Variants in COPG2 observed in about 807,000 individuals in gnomAD.
COPG2 encodes coatomer subunit gamma-2.
Under a neutral mutation model 46.3 loss-of-function variants are expected in COPG2, and 37 were observed. The ratio of observed to expected loss-of-function variants is 0.80; its 90% CI spans 0.61 to 1.05. The LOEUF is 1.05. Ranked by LOEUF, COPG2 falls within the 50% of genes least tolerant of loss-of-function variation. COPG2 has a pLI of 0.00. For synonymous variants in COPG2, 159 were observed against 129.7 expected, an observed-to-expected ratio of 1.23 and a Z score of -1.53; for missense variants, 427 against 387.8, an observed-to-expected ratio of 1.10 and a Z score of -0.85.
intron 20 of COPG2, among the ~76,000 whole-genome samples, chr7:130,513,375 A>ATATATG (rs1335409605): frequency 2.2e-5 from 1 of 45,970 alleles, no homozygotes; most frequent in Non-Finnish European, 5.1e-5. Context: ...ATATATATAT[A>ATATATG]TGTGTGTGTG....
At chr7:130,605,778 A>G (rs1056003649) in intron 9 of COPG2, 4 of 519,834 alleles carry the variant, frequency 7.7e-6, no homozygotes, top group Non-Finnish European at 1.5e-5. Flanking sequence ...CTCCACCAAC[A>G]TCTTCACTTT....
chr7:130,600,509 C>G (rs1235069621), intron 9 of COPG2, among the ~76,000 whole-genome samples: 1 of 152,154 alleles, frequency 6.6e-6, no homozygotes, highest in Admixed American at 6.5e-5. Flanking sequence ...GCAATCCACT[C>G]ACCTTGGCCT....
intron 4 of COPG2, among the ~76,000 whole-genome samples, chr7:130,657,019 A>C (rs1159050523): frequency 6.6e-6 from 1 of 150,392 alleles, no homozygotes; most frequent in Non-Finnish European, 1.5e-5. Context: ...TAATATAGAT[A>C]TTTAAAATCC....
chr7:130,529,880 T>C (rs1342560976), intron 20 of COPG2, among the ~76,000 whole-genome samples: 1 of 152,184 alleles, frequency 6.6e-6, no homozygotes, highest in South Asian at 2.1e-4. Context: ...TTCTGCTGTT[T>C]AAGGGTGGCT....
At chr7:130,646,729 ATC>A (rs1455648010) in intron 5 of COPG2, among the ~76,000 whole-genome samples, 2 of 151,550 alleles carry the variant, frequency 1.3e-5, no homozygotes, top group African/African-American at 4.9e-5. Context: ...TTCTCATGAG[ATC>A]TGATAGTTTT....
At chr7:130,527,302 C>A (rs1799783619) in intron 20 of COPG2, among the ~76,000 whole-genome samples, 1 of 151,204 alleles carries the variant, frequency 6.6e-6, no homozygotes, top group African/African-American at 2.4e-5. Context: ...TGATTTCAAG[C>A]AGAGAGTGCC....
chr7:130,549,290 C>T (rs923024940), intron 18 of COPG2, 24 bp downstream of exon 18: 81,077 of 398,226 alleles, frequency 0.2, 8,607 homozygotes, highest in Middle Eastern at 0.3. Flanking sequence ...AAGATTATTA[C>T]GTCTAACCAT....
chr7:130,583,494 A>T (rs1342834852), intron 9 of COPG2, among the ~76,000 whole-genome samples: 7 of 35,782 alleles, frequency 2.0e-4, no homozygotes, highest in South Asian at 8.7e-4. Context: ...CATAAAGTAT[A>T]AAAAAAAAAA....
intron 9 of COPG2, among the ~76,000 whole-genome samples, chr7:130,590,277 C>CTCTTTCCACGG (rs1169513338): frequency 1.3e-5 from 2 of 152,088 alleles, no homozygotes; most frequent in African/African-American, 4.8e-5. Context: ...CCCTCTCCCT[C>CTCTTTCCACGG]TCTTTCCACG....
At chr7:130,591,078 T>A (rs1794400723) in intron 9 of COPG2, among the ~76,000 whole-genome samples, 1 of 140,566 alleles carries the variant, frequency 7.1e-6, no homozygotes, top group Admixed American at 7.0e-5. Context: ...AGCCGCCCCG[T>A]CCAGAAGGGA....
chr7:130,534,572 A>C (rs1001914198), intron 20 of COPG2, among the ~76,000 whole-genome samples: 4 of 152,288 alleles, frequency 2.6e-5, no homozygotes, highest in Non-Finnish European at 5.9e-5. Context: ...GGTCGGTAGC[A>C]AATGGGGATG....
chr7:130,600,105 A>G (rs987112946), intron 9 of COPG2, among the ~76,000 whole-genome samples: 12 of 152,348 alleles, frequency 7.9e-5, no homozygotes, highest in Admixed American at 2.6e-4. Flanking sequence ...TAAAGTCTCC[A>G]TGAAGAGATC....
At chr7:130,597,136 A>G (rs1554449798) in intron 9 of COPG2, among the ~76,000 whole-genome samples, 1 of 152,170 alleles carries the variant, frequency 6.6e-6, no homozygotes, top group Non-Finnish European at 1.5e-5. Context: ...CTTTTGGGAA[A>G]TGTACCCCCA....
intron 20 of COPG2, among the ~76,000 whole-genome samples, chr7:130,510,762 A>G (rs1554440915): frequency 6.6e-6 from 1 of 152,156 alleles, no homozygotes; most frequent in Non-Finnish European, 1.5e-5. Context: ...TGATACAATG[A>G]GAGGTTACAG....
At chr7:130,649,975 A>G (rs192097576) in intron 5 of COPG2, among the ~76,000 whole-genome samples, 3 of 152,298 alleles carry the variant, frequency 2.0e-5, no homozygotes, top group Admixed American at 2.0e-4. Flanking sequence ...CACTTGTCTC[A>G]CTGGGCTAAA....
intron 3 of COPG2, among the ~76,000 whole-genome samples, chr7:130,665,908 G>A (rs917648135): frequency 4.6e-5 from 7 of 151,300 alleles, no homozygotes; most frequent in South Asian, 4.2e-4. Flanking sequence ...TTTCATGAGC[G>A]CAAATATTTT....
intron 5 of COPG2, among the ~76,000 whole-genome samples, chr7:130,651,647 GCTGGGACTA>G (rs1224618427): frequency 6.6e-6 from 1 of 151,228 alleles, no homozygotes; most frequent in East Asian, 1.9e-4. Flanking sequence ...CTCCCGAGTA[GCTGGGACTA>G]CAGGCGCCCG....
intron 9 of COPG2, among the ~76,000 whole-genome samples, chr7:130,569,563 T>C (rs1793859517): frequency 6.6e-6 from 1 of 151,904 alleles, no homozygotes; most frequent in African/African-American, 2.4e-5. Context: ...GAAATGGTAA[T>C]AAAAAGTTTC....
At chr7:130,651,876 C>T (rs1795754870) in intron 5 of COPG2, among the ~76,000 whole-genome samples, 1 of 151,868 alleles carries the variant, frequency 6.6e-6, no homozygotes, top group East Asian at 1.9e-4. Flanking sequence ...TGGTCTTGTC[C>T]TGACCTCAGA....
Sources: gnomAD v4.1 joint callset for allele counts (sites outside exome capture counted in the v4.1 genomes callset) on GRCh38, gnomAD v4.1.1 for gene constraint, MANE v1.5 for transcripts, NCBI Gene and HGNC (gene_info 2026-07-23, HGNC 2026-07-21) for gene names.